The following PEAK1 variants were observed in gnomAD, a reference collection of about 807,000 sequenced individuals.
PEAK1 encodes the protein inactive tyrosine-protein kinase PEAK1.
Under a neutral mutation model 124.7 loss-of-function variants are expected in PEAK1, and 54 were observed. The observed-to-expected ratio is 0.43, with a 90% CI of 0.35 to 0.54. The LOEUF is 0.54. Among genes scored for constraint, PEAK1 ranks in the 20% least tolerant of loss-of-function variants. The pLI is 0.01. For synonymous variants in PEAK1, 719 were observed against 760.0 expected, an observed-to-expected ratio of 0.95 and a Z score of 0.89; for missense variants, 2,046 against 2,134.5, an observed-to-expected ratio of 0.96 and a Z score of 0.82.
chr15:77,316,151 T>C (rs1051794743), intron 2 of PEAK1, among the ~76,000 whole-genome samples: 2 of 152,306 alleles, frequency 1.3e-5, no homozygotes, highest in Admixed American at 1.3e-4. Context: ...GTATTAACAC[T>C]GTGAGATATA....
intron 1 of PEAK1, among the ~76,000 whole-genome samples, chr15:77,412,559 T>C (rs1228512069): frequency 6.6e-6 from 1 of 152,252 alleles, no homozygotes; most frequent in Non-Finnish European, 1.5e-5. Context: ...AGTATATTTA[T>C]ATTTTTATAT....
At chr15:77,279,104 CGTGTGT>C (rs34561338) in intron 5 of PEAK1, among the ~76,000 whole-genome samples, 4,135 of 115,102 alleles carry the variant, frequency 0.036, 177 homozygotes, top group African/African-American at 0.1. Flanking sequence ...CTCGTGTGTG[CGTGTGT>C]GTGTGTGTGT....
intron 6 of PEAK1, among the ~76,000 whole-genome samples, chr15:77,208,553 T>A (rs746169318): frequency 5.3e-5 from 8 of 152,210 alleles, no homozygotes; most frequent in Non-Finnish European, 1.2e-4. Flanking sequence ...ATTATGTTCA[T>A]CTTTTCCTCT....
intron 8 of PEAK1, among the ~76,000 whole-genome samples, chr15:77,151,269 A>C (rs914419208): frequency 1.3e-5 from 2 of 151,624 alleles, no homozygotes; most frequent in African/African-American, 4.9e-5. Flanking sequence ...GCCAGTGATG[A>C]TGAGCATTTT....
intron 1 of PEAK1, among the ~76,000 whole-genome samples, chr15:77,415,949 T>G (rs2072849438): frequency 6.6e-6 from 1 of 152,198 alleles, no homozygotes; most frequent in South Asian, 2.1e-4. Flanking sequence ...GCTTAAAGAC[T>G]CCTTCAGAGT....
chr15:77,179,857 C>T lies in PEAK1; in HGVS notation c.2070G>A (p.Gly690=), dbSNP rs1462259917. ...SKTTDCLQTK[G]FSNSTEHKRG... ...TTTTATGCTCTGTGCTGTTTGAAAA[C>T]CCTTTAGTTTGAAGACAGTCAGTGG... is the stretch of plus-strand genomic sequence containing the variant. The change falls in exon 7 of 10, where the codon GGG becomes GGA. Residue 690 remains glycine (G), a synonymous_variant. Coordinates refer to ENST00000682557, the MANE Select transcript of PEAK1 (RefSeq NM_001385026.1). 3 of 1,614,110 alleles carry T rather than the reference C, an allele frequency of 1.9e-6. No homozygotes were observed. Among genetic ancestry groups the T allele is most frequent in the Non-Finnish European group, 2.5e-6 (3 of 1,179,998 alleles).
intron 1 of PEAK1, among the ~76,000 whole-genome samples, chr15:77,408,464 C>A (rs868803798): frequency 6.6e-6 from 1 of 151,906 alleles, no homozygotes; most frequent in African/African-American, 2.4e-5. Flanking sequence ...CACCAAAAAT[C>A]TCAGAAATCA....
intron 8 of PEAK1, among the ~76,000 whole-genome samples, chr15:77,140,739 T>C (rs1364194442): frequency 6.9e-6 from 1 of 144,598 alleles, no homozygotes; most frequent in Non-Finnish European, 1.5e-5. Context: ...TCTTTGTGTC[T>C]TTTTTTTTTT....
At chr15:77,217,645 T>C (rs2059208043) in intron 6 of PEAK1, among the ~76,000 whole-genome samples, 1 of 152,198 alleles carries the variant, frequency 6.6e-6, no homozygotes, top group Non-Finnish European at 1.5e-5. Context: ...ATTGGGCAAC[T>C]CATTTTTATT....
In PEAK1 at chr15:77,408,098, CAT is replaced by C. The variant is rs545554519; in HGVS notation, c.-666+11906_-666+11907del. 4.5e-3 allele frequency among the ~76,000 whole-genome samples: 676 copies of C among 150,540 alleles called. 3 individuals are homozygous for C. The highest frequency in any genetic ancestry group is 6.9e-3 in the Middle Eastern group (2 of 290). ...ACATATATACACATATATACACACA[CAT>C]ATATACATATATACACATATATACA... On this transcript the variant is annotated intron_variant, in intron 1 of 9. Coordinates refer to ENST00000682557, the MANE Select transcript of PEAK1 (RefSeq NM_001385026.1).
At chr15:77,101,790 C>G (rs1047135978) in exon 7 of PEAK1, 1 of 152,202 alleles carries the variant, frequency 6.6e-6, no homozygotes, top group African/African-American at 2.4e-5. Context: ...TCTGAAATCT[C>G]TATTACCCAC....
At chr15:77,301,477 G>C (rs2063783208) in intron 2 of PEAK1, among the ~76,000 whole-genome samples, 1 of 152,152 alleles carries the variant, frequency 6.6e-6, no homozygotes, top group African/African-American at 2.4e-5. Flanking sequence ...GGGGAGCGGG[G>C]ATCATCATTC....
intron 8 of PEAK1, among the ~76,000 whole-genome samples, chr15:77,152,107 TTCCCACC>T (rs1487469267): frequency 1.3e-5 from 2 of 152,230 alleles, no homozygotes; most frequent in East Asian, 3.8e-4. Flanking sequence ...ATATTGATTC[TTCCCACC>T]TATGAACATG....
At position 77,179,044 on chromosome 15, in the gene PEAK1, G is replaced by A. The variant is rs763907752; in HGVS notation, c.2883C>T (p.His961=). The change falls in exon 7 of 10, where the codon CAC becomes CAT. Residue 961 remains histidine (H), a synonymous_variant. Transcript: ENST00000682557. ...GCTGAACTGGAGGAGGAGGCAGCAT[G>A]TGAATGACTGTGCCATCCAGGCCCA... The part of the protein sequence containing the change: ...KLVGLDGTVI[H]MLPPPPVQRH... 5.0e-6 allele frequency: 8 copies of A among 1,614,036 alleles called. No homozygotes were observed. Among genetic ancestry groups the A allele is most frequent in the East Asian group, 4.5e-5 (2 of 44,882 alleles).
At chr15:77,407,147 G>A (rs942285859) in intron 1 of PEAK1, among the ~76,000 whole-genome samples, 5 of 152,054 alleles carry the variant, frequency 3.3e-5, no homozygotes, top group Admixed American at 3.3e-4. Flanking sequence ...GTACATCTAG[G>A]ACCTGAAACG....
At chr15:77,106,942 C>T (rs1363717003), downstream of PEAK1, 1 of 152,184 alleles carries the variant, frequency 6.6e-6, no homozygotes, top group African/African-American at 2.4e-5. Context: ...ACACTTCAGC[C>T]TTCGTATAAG....
chr15:77,146,092 T>G (rs998755491), intron 8 of PEAK1, among the ~76,000 whole-genome samples: 6 of 152,196 alleles, frequency 3.9e-5, no homozygotes, highest in African/African-American at 9.6e-5. Context: ...CCTCCACTAG[T>G]GCATAGCGGG....
At chr15:77,123,628 G>C (rs1433982081) in intron 9 of PEAK1, among the ~76,000 whole-genome samples, 1 of 152,124 alleles carries the variant, frequency 6.6e-6, no homozygotes, top group Non-Finnish European at 1.5e-5. Context: ...TGAGGGATTA[G>C]TCTACTATGG....
At chr15:77,117,409 TA>T (rs1372091915) in intron 9 of PEAK1, among the ~76,000 whole-genome samples, 4 of 152,214 alleles carry the variant, frequency 2.6e-5, no homozygotes, top group African/African-American at 7.2e-5. Context: ...TGGGATCAAG[TA>T]TATAGCGTAC....
Sources: gnomAD v4.1 joint callset for allele counts (sites outside exome capture counted in the v4.1 genomes callset) on GRCh38, gnomAD v4.1.1 for gene constraint, MANE v1.5 for transcripts, NCBI Gene and HGNC (gene_info 2026-07-23, HGNC 2026-07-21) for gene names.